The following CEP112 variants were observed in gnomAD, a reference collection of about 807,000 sequenced individuals.
CEP112 encodes centrosomal protein 112.
A neutral mutation model predicts 153.0 loss-of-function variants in CEP112; 127 were observed. The ratio of observed to expected loss-of-function variants is 0.83; its 90% CI spans 0.72 to 0.96. The LOEUF is 0.96. CEP112 is among the 40% of genes least tolerant of loss of function. The pLI, the probability that CEP112 is intolerant of heterozygous loss-of-function variation, is 0.00. For missense variants in CEP112, 1,089 were observed against 1,101.2 expected, an observed-to-expected ratio of 0.99 and a Z score of 0.16; for synonymous variants, 358 against 374.4, an observed-to-expected ratio of 0.96 and a Z score of 0.51.
At chr17:66,064,347 T>TA (rs2067035665) in intron 10 of CEP112, among the ~76,000 whole-genome samples, 1 of 152,170 alleles carries the variant, frequency 6.6e-6, no homozygotes, top group Non-Finnish European at 1.5e-5. Flanking sequence ...ATGAAATAGG[T>TA]TTTAAATTAT....
In CEP112 at chr17:65,863,707, G is replaced by A. The variant is rs994203489; in HGVS notation, c.2164-11673C>T. ...CTGGGAGGTGGAGCTTGCAGTGAGC[G>A]CCACTGCATTCCAGCCTGGGTGACA... On this transcript the variant is annotated intron_variant, in intron 20 of 26. Transcript: ENST00000535342. 2.1e-5 allele frequency among the ~76,000 whole-genome samples: 3 copies of A among 145,432 alleles called. No individual in the cohort carries two copies. In the South Asian group the frequency reaches 6.6e-4, roughly 32 times the overall value.
At chr17:65,972,950 G>C (rs902389850) in intron 17 of CEP112, among the ~76,000 whole-genome samples, 3 of 152,106 alleles carry the variant, frequency 2.0e-5, no homozygotes, top group Non-Finnish European at 2.9e-5. Context: ...ATTTTTAGTA[G>C]AGACGGGGTT....
intron 17 of CEP112, among the ~76,000 whole-genome samples, chr17:65,989,970 C>T (rs921683055): frequency 2.0e-5 from 3 of 151,884 alleles, no homozygotes; most frequent in Non-Finnish European, 2.9e-5. Flanking sequence ...AACTTGTTAT[C>T]GCTATAAAAT....
At position 65,913,852 on chromosome 17, in the gene CEP112, C is replaced by A. The variant is rs865873786; in HGVS notation, c.1981-11518G>T. On this transcript the variant is annotated intron_variant, in intron 19 of 26. Coordinates refer to ENST00000535342, the MANE Select transcript of CEP112 (RefSeq NM_001199165.4). The stretch of plus-strand genomic sequence containing the variant: ...AAGCAAGGCTGGAAGCAGGCGCTAT[C>A]TCCTGTGGTTATCTTCCCATTTAAC... The A allele has an allele frequency of 1.6e-5, 16 of 985,422 alleles. No individual in the cohort carries two copies. The Middle Eastern group carries it at 2.1e-3, about 129-fold the overall frequency. The allele number at this position is 985,422 out of a possible 1,614,324, so 61.0% of individuals were successfully genotyped here.
At chr17:65,862,640 ATGTTCATTT>A (rs770643828) in intron 20 of CEP112, among the ~76,000 whole-genome samples, 1 of 152,124 alleles carries the variant, frequency 6.6e-6, no homozygotes, top group Non-Finnish European at 1.5e-5. Flanking sequence ...TCAGTTCATG[ATGTTCATTT>A]TGTTGTATGT....
At chr17:66,185,709 C>G (rs1365896548) in intron 1 of CEP112, among the ~76,000 whole-genome samples, 1 of 152,104 alleles carries the variant, frequency 6.6e-6, no homozygotes, top group Non-Finnish European at 1.5e-5. Context: ...GTGAAATGTC[C>G]TGATAGGGAT....
At chr17:65,897,083 A>G (rs2059683818) in intron 20 of CEP112, among the ~76,000 whole-genome samples, 1 of 152,108 alleles carries the variant, frequency 6.6e-6, no homozygotes, top group Non-Finnish European at 1.5e-5. Context: ...CTTGGTGTGT[A>G]CACAGCTGGA....
chr17:65,936,793 T>TCCCCCCCTCCCCCTCCTC (rs2061320969), intron 18 of CEP112, among the ~76,000 whole-genome samples: 3 of 109,534 alleles, frequency 2.7e-5, no homozygotes, highest in Non-Finnish European at 3.7e-5. Context: ...TCCGTCTACC[T>TCCCCCCCTCCCCCTCCTC]CTCCCCCTCC....
intron 17 of CEP112, among the ~76,000 whole-genome samples, chr17:65,996,748 A>C (rs2063806261): frequency 6.6e-6 from 1 of 152,168 alleles, no homozygotes; most frequent in Non-Finnish European, 1.5e-5. Context: ...ACTTACCCTG[A>C]AATGTTAGGA....
chr17:65,953,719 C>T (rs1599130782), intron 18 of CEP112, among the ~76,000 whole-genome samples: 1 of 152,158 alleles, frequency 6.6e-6, no homozygotes, highest in Admixed American at 6.5e-5. Context: ...GTATGGCTCA[C>T]TAGAGGCAGC....
rs113018593 is a variant in CEP112, at chr17:65,933,626, G to A, written c.1873-5937C>T. Among the ~76,000 whole-genome samples the A allele has an allele frequency of 7.7e-3, 1,174 of 152,182 alleles. 12 individuals carry two copies. Among genetic ancestry groups the A allele is most frequent in the African/African-American group, 0.026 (1,086 of 41,512 alleles). On this transcript the variant is annotated intron_variant, in intron 18 of 26. Transcript: ENST00000535342. The stretch of plus-strand genomic sequence containing the variant: ...AATAAGAGAGAAGTAAAATCTTCCC[G>A]CACCTCCATCTTCCCCCGAAAATGA...
chr17:65,997,539 C>A (rs541544367), intron 17 of CEP112, among the ~76,000 whole-genome samples: 1 of 152,158 alleles, frequency 6.6e-6, no homozygotes, highest in African/African-American at 2.4e-5. Context: ...CTTGAGGAAT[C>A]CTCAGACACG....
intron 21 of CEP112, chr17:65,826,488 G>A (rs2056845876): frequency 6.9e-7 from 1 of 1,439,278 alleles, no homozygotes. Context: ...TGGGGGTGAG[G>A]TGAGATAGTG....
chr17:65,693,015 C>G (rs1487489681), intron 23 of CEP112, among the ~76,000 whole-genome samples: 1 of 152,186 alleles, frequency 6.6e-6, no homozygotes, highest in Non-Finnish European at 1.5e-5. Flanking sequence ...ATGTCTATAT[C>G]TATCTCTGAA....
intron 18 of CEP112, among the ~76,000 whole-genome samples, chr17:65,946,009 A>G (rs1299073069): frequency 6.6e-6 from 1 of 152,116 alleles, no homozygotes; most frequent in Non-Finnish European, 1.5e-5. Context: ...ATATCTGTTC[A>G]AGTATTTTAC....
At chr17:65,961,400 T>G in intron 18 of CEP112, 63 bp downstream of exon 18, 63 of 1,419,916 alleles carry the variant, frequency 4.4e-5, no homozygotes, top group Non-Finnish European at 5.4e-5. Flanking sequence ...ATATTTAAGA[T>G]GAGAATGTAC....
intron 23 of CEP112, among the ~76,000 whole-genome samples, chr17:65,729,771 T>C (rs2050392353): frequency 6.6e-6 from 1 of 152,102 alleles, no homozygotes; most frequent in Non-Finnish European, 1.5e-5. Flanking sequence ...TAGCTGGGTG[T>C]GGTGACGCAC....
rs1414610150 is a variant in CEP112 at position 66,034,868 on chromosome 17, C to T, written c.1219-4845G>A. Among the ~76,000 whole-genome samples the T allele has an allele frequency of 4.7e-5, 7 of 150,326 alleles. No homozygotes were observed. The East Asian group carries it at 5.9e-4, about 13-fold the overall frequency. ...TGTCGCCCAGGCTGGAGTGCAGTGG[C>T]GCAATCTCGACTCACCGCAACCCCT... On this transcript the variant is annotated intron_variant, in intron 12 of 26. Transcript: ENST00000535342.
At chr17:66,057,793 ACAC>A in intron 11 of CEP112, among the ~76,000 whole-genome samples, 1 of 147,700 alleles carries the variant, frequency 6.8e-6, no homozygotes, top group South Asian at 2.2e-4. Context: ...ACACACACAC[ACAC>A]AGCCTTCAGT....
Sources: gnomAD v4.1 joint callset for allele counts (sites outside exome capture counted in the v4.1 genomes callset) on GRCh38, gnomAD v4.1.1 for gene constraint, MANE v1.5 for transcripts, NCBI Gene and HGNC (gene_info 2026-07-23, HGNC 2026-07-21) for gene names.